CLDN2: variants seen among roughly 807,000 people sequenced by gnomAD.
The protein encoded by CLDN2 is claudin-2.
A neutral mutation model predicts 8.2 loss-of-function variants in CLDN2; 1 was observed. The observed-to-expected ratio is 0.12, with a 90% CI of 0.04 to 0.58. The LOEUF (loss-of-function observed/expected upper bound fraction) is 0.58, where lower values mean the gene tolerates loss of function less well. Among genes scored for constraint, CLDN2 ranks in the 20% least tolerant of loss-of-function variants. The pLI is 0.90. For missense variants in CLDN2, 108 were observed against 172.9 expected, an observed-to-expected ratio of 0.62 and a Z score of 2.11; for synonymous variants, 70 against 70.2, an observed-to-expected ratio of 1.00 and a Z score of 0.01.
chrX:106,919,764 G>A (rs935001640), upstream of CLDN2, among the ~76,000 whole-genome samples: 2 of 112,866 alleles, frequency 1.8e-5, no homozygotes, highest in East Asian at 2.8e-4. Context: ...GATTACAGGC[G>A]TGAGCCACTG....
At chrX:106,913,299 T>G (rs1350713789) in intron 1 of CLDN2, among the ~76,000 whole-genome samples, 2 of 111,760 alleles carry the variant, frequency 1.8e-5, no homozygotes, top group Non-Finnish European at 3.8e-5. Flanking sequence ...TTTGCCATAT[T>G]GGCCAGGCTG....
chrX:106,901,054 C>G (rs1031215161), intron 1 of CLDN2: 6 of 989,481 alleles, frequency 6.1e-6, no homozygotes, highest in Non-Finnish European at 7.9e-6. Flanking sequence ...AGTTTTGTAA[C>G]AGAACCTTCT....
In CLDN2 at chrX:106,930,796, T is replaced by TC. The variant is rs1183348344; in HGVS notation, c.*1880dup. 1 of 123,105 alleles carries TC rather than the reference T, an allele frequency of 8.1e-6. No homozygotes were observed. The highest frequency in any genetic ancestry group is 1.9e-5 in the Non-Finnish European group (1 of 53,247). The allele number at this position is 123,105 out of a possible 1,213,427, so 10.1% of individuals were successfully genotyped here. A position where few individuals can be genotyped will look rare whatever the true frequency, so the allele number is the denominator to read the frequency against. ...GGGCCATATCCTAGACCTCTCTGTA[T>TC]CCCCCAGACTATCTGTAACAGTGCC... On this transcript the variant is annotated 3_prime_UTR_variant, in exon 2 of 2. Coordinates refer to ENST00000336803, the MANE Select transcript of CLDN2 (RefSeq NM_020384.4).
intron 1 of CLDN2, among the ~76,000 whole-genome samples, chrX:106,909,482 G>A (rs932436391): frequency 9.0e-6 from 1 of 111,589 alleles, no homozygotes; most frequent in South Asian, 3.8e-4. Flanking sequence ...CAAGTTCTGC[G>A]CTCCTCTCCA....
chrX:106,914,429 G>A (rs369554834), upstream of CLDN2, among the ~76,000 whole-genome samples: 2 of 111,175 alleles, frequency 1.8e-5, no homozygotes, highest in East Asian at 5.7e-4. Context: ...CTGCCTAAAA[G>A]GACTATTAAA....
At chrX:106,906,473 G>A (rs891182093) in intron 1 of CLDN2, among the ~76,000 whole-genome samples, 8 of 111,178 alleles carry the variant, frequency 7.2e-5, no homozygotes, top group African/African-American at 9.8e-5. Context: ...TCCACATTTC[G>A]CTTGGCCACA....
At chrX:106,916,377 G>A (rs1399558109), upstream of CLDN2, among the ~76,000 whole-genome samples, 1 of 111,320 alleles carries the variant, frequency 9.0e-6, no homozygotes, top group Non-Finnish European at 1.9e-5. Flanking sequence ...GTAGGCTTGA[G>A]AAACTGAAAG....
chrX:106,902,999 G>T, intron 1 of CLDN2: 1 of 653,565 alleles, frequency 1.5e-6, no homozygotes, highest in Non-Finnish European at 2.4e-6. Context: ...AGCTAGAGTT[G>T]AGGAGGGAGG....
intron 1 of CLDN2, among the ~76,000 whole-genome samples, chrX:106,910,583 C>G (rs923752890): frequency 2.7e-5 from 3 of 109,698 alleles, no homozygotes; most frequent in Non-Finnish European, 5.7e-5. Context: ...TGGCTTGGGG[C>G]ACCTGTAATC....
chrX:106,902,324 G>A (rs947413509), intron 1 of CLDN2: 1 of 609,812 alleles, frequency 1.6e-6, no homozygotes. Context: ...TCTGCTCCAG[G>A]AAGCCTTTCC....
intron 1 of CLDN2, among the ~76,000 whole-genome samples, chrX:106,922,074 A>G (rs1159157434): frequency 4.5e-5 from 5 of 112,317 alleles, no homozygotes; most frequent in East Asian, 5.6e-4. Context: ...AGCAGGTTCT[A>G]GGCAGAACTG....
chrX:106,907,100 C>T (rs1933189793), intron 1 of CLDN2, among the ~76,000 whole-genome samples: 1 of 112,153 alleles, frequency 8.9e-6, no homozygotes, highest in Admixed American at 9.4e-5. Context: ...CACCAATGAC[C>T]TCCTAATTGC....
upstream of CLDN2, among the ~76,000 whole-genome samples, chrX:106,919,376 T>G (rs1332056264): frequency 2.7e-5 from 3 of 112,185 alleles, no homozygotes. Context: ...AAAGCTTTTT[T>G]GCGTTGGGAG....
intron 1 of CLDN2, among the ~76,000 whole-genome samples, chrX:106,910,905 TG>T (rs1037960616): frequency 8.9e-6 from 1 of 111,787 alleles, no homozygotes; most frequent in Non-Finnish European, 1.9e-5. Flanking sequence ...GACTTGGGTG[TG>T]GGGGAAAAAT....
At position 106,904,574 on chromosome X, in the gene CLDN2, G is replaced by GA. The variant is rs371916348; in HGVS notation, c.-179+4079dup. ...GTATAATTTTTCAACACAGAAAATGGAAAAAAAAATCAGATGGTAAGATAG... is the reference window on the plus strand; with the variant it reads ...GTATAATTTTTCAACACAGAAAATGGAAAAAAAAAATCAGATGGTAAGATAG... On this transcript the variant is annotated intron_variant, in intron 1 of 1. Coordinates refer to the CLDN2 transcript ENST00000541806. Among the ~76,000 whole-genome samples the GA allele has an allele frequency of 2.6e-4, 29 of 110,344 alleles. No individual in the cohort carries two copies. The South Asian group carries it at 4.2e-3, about 16-fold the overall frequency.
Position 106,901,624 on chromosome X carries a change from T to C in CLDN2, c.-179+1120T>C, listed in dbSNP as rs757516784. On this transcript the variant is annotated intron_variant, in intron 1 of 1. Transcript: ENST00000541806. ...GTACTAGAGGTCAGAAAGCTGCAGG[T>C]AAAATGATCTTGAAGAGACCTTAGA... is the stretch of plus-strand genomic sequence containing the variant. 13 of 975,132 alleles carry C rather than the reference T, an allele frequency of 1.3e-5. No homozygotes were observed. The South Asian group carries it at 2.8e-4, about 21-fold the overall frequency. The allele number at this position is 975,132 out of a possible 1,213,427, so 80.4% of individuals were successfully genotyped here.
At chrX:106,927,381 T>A (rs946792938) in intron 1 of CLDN2, among the ~76,000 whole-genome samples, 1 of 110,970 alleles carries the variant, frequency 9.0e-6, no homozygotes, top group Non-Finnish European at 1.9e-5. Context: ...TGCTCCCTCA[T>A]CATCCAAGAG....
upstream of CLDN2, among the ~76,000 whole-genome samples, chrX:106,919,597 C>T (rs1933361184): frequency 9.0e-6 from 1 of 111,526 alleles, no homozygotes; most frequent in African/African-American, 3.3e-5. Flanking sequence ...GATTCTCCTG[C>T]CTCAGCTTCC....
At chrX:106,910,429 G>C (rs747165856) in intron 1 of CLDN2, among the ~76,000 whole-genome samples, 1 of 110,727 alleles carries the variant, frequency 9.0e-6, no homozygotes, top group African/African-American at 3.3e-5. Context: ...GAGACTGGGC[G>C]CAGTGGCTCA....
Sources: gnomAD v4.1 joint callset for allele counts (sites outside exome capture counted in the v4.1 genomes callset) on GRCh38, gnomAD v4.1.1 for gene constraint, MANE v1.5 for transcripts, NCBI Gene and HGNC (gene_info 2026-07-23, HGNC 2026-07-21) for gene names.